The following FRY variants were observed in gnomAD, a reference collection of about 807,000 sequenced individuals.
FRY encodes the protein protein furry homolog.
A neutral mutation model predicts 348.4 loss-of-function variants in FRY; 128 were observed. The ratio of observed to expected loss-of-function variants is 0.37; its 90% CI spans 0.32 to 0.43. The LOEUF (loss-of-function observed/expected upper bound fraction) is 0.43, where lower values mean the gene tolerates loss of function less well. FRY is among the 20% of genes least tolerant of loss of function. The pLI, the probability that FRY is intolerant of heterozygous loss-of-function variation, is 1.00. For synonymous variants in FRY, 1,370 were observed against 1,374.7 expected, an observed-to-expected ratio of 1.00 and a Z score of 0.08; for missense variants, 2,736 against 3,695.2, an observed-to-expected ratio of 0.74 and a Z score of 6.73.
At chr13:32,094,527 A>T (rs1221431547) in intron 2 of FRY, among the ~76,000 whole-genome samples, 3 of 150,616 alleles carry the variant, frequency 2.0e-5, no homozygotes, top group Admixed American at 1.3e-4. Context: ...TATCCTTCCC[A>T]GCCTCTAATA....
At chr13:32,039,867 C>T (rs1872685179) in intron 1 of FRY, among the ~76,000 whole-genome samples, 2 of 152,234 alleles carry the variant, frequency 1.3e-5, no homozygotes, top group Admixed American at 1.3e-4. Flanking sequence ...GCATTCAAAT[C>T]TGCATTAAGT....
At position 32,298,506 on chromosome 13, in the gene FRY, C is replaced by T. The variant is rs993030714; in HGVS notation, c.*3046C>T. The T allele has an allele frequency of 2.0e-5, 3 of 152,158 alleles. No homozygotes were observed. Among genetic ancestry groups the T allele is most frequent in the South Asian group, 2.1e-4 (1 of 4,820 alleles). The allele number at this position is 152,158 out of a possible 1,614,324, so 9.4% of individuals were successfully genotyped here. On this transcript the variant is annotated 3_prime_UTR_variant, in exon 61 of 61. Transcript: ENST00000542859. Reference sequence around the variant, plus strand: ...GGCTAGGCACTGTTTTAGAGGACACCGCAGCTATCAAGGCAGATGTGGTCC... The same window carrying T: ...GGCTAGGCACTGTTTTAGAGGACACTGCAGCTATCAAGGCAGATGTGGTCC...
intron 14 of FRY, among the ~76,000 whole-genome samples, chr13:32,153,906 T>G (rs373288456): frequency 1.6e-3 from 250 of 152,278 alleles, no homozygotes; most frequent in African/African-American, 5.3e-3. Context: ...AGAGTTGTGA[T>G]GAACTATATG....
In FRY at chr13:32,154,386, T is replaced by C. The variant is rs574076549; in HGVS notation, c.1480-1105T>C. Among the ~76,000 whole-genome samples the C allele has an allele frequency of 7.9e-5, 12 of 152,354 alleles. No homozygotes were observed. In the East Asian group the frequency reaches 2.3e-3, roughly 29 times the overall value. On this transcript the variant is annotated intron_variant, in intron 14 of 60. Coordinates refer to ENST00000542859, the MANE Select transcript of FRY (RefSeq NM_023037.3). The stretch of plus-strand genomic sequence containing the variant: ...TATTTAGCAAATCCTGGTTGAATTA[T>C]GATAACTCCTTAAAGCTTGAATAAA...
intron 2 of FRY, among the ~76,000 whole-genome samples, chr13:32,100,092 T>TTTTTA (rs1877053338): frequency 6.7e-6 from 1 of 148,440 alleles, no homozygotes; most frequent in South Asian, 2.1e-4. Flanking sequence ...TGCTTTCAAC[T>TTTTTA]TTTTATTTTA....
intron 1 of FRY, among the ~76,000 whole-genome samples, chr13:32,055,367 T>C (rs549508641): frequency 9.9e-5 from 15 of 152,256 alleles, no homozygotes; most frequent in African/African-American, 3.6e-4. Context: ...TTTTAAACCC[T>C]CCTATGGATT....
intron 58 of FRY, among the ~76,000 whole-genome samples, chr13:32,282,607 T>C (rs563125496): frequency 6.6e-5 from 10 of 152,330 alleles, no homozygotes; most frequent in African/African-American, 2.4e-4. Flanking sequence ...TTCCTAATCA[T>C]TCTTAACAGG....
At chr13:32,284,660 A>G (rs1888963641) in intron 58 of FRY, among the ~76,000 whole-genome samples, 2 of 152,236 alleles carry the variant, frequency 1.3e-5, no homozygotes, top group Admixed American at 1.3e-4. Context: ...GCCAGGCCCA[A>G]GCATTATTAG....
At chr13:32,125,980 G>A (rs1878993322) in intron 7 of FRY, among the ~76,000 whole-genome samples, 1 of 152,084 alleles carries the variant, frequency 6.6e-6, no homozygotes. Flanking sequence ...AGTGATCTGG[G>A]CCATTTTGCA....
At chr13:32,068,496 C>T (rs1052602886) in intron 1 of FRY, among the ~76,000 whole-genome samples, 2 of 152,210 alleles carry the variant, frequency 1.3e-5, no homozygotes, top group Non-Finnish European at 2.9e-5. Context: ...ACAGTACCTA[C>T]TTTGAAAATC....
chr13:32,269,625 G>A (rs574393542), intron 55 of FRY, among the ~76,000 whole-genome samples: 1 of 151,962 alleles, frequency 6.6e-6, no homozygotes, highest in South Asian at 2.1e-4. Context: ...CTGGGAGGCA[G>A]AGGTTGCAGT....
At chr13:32,074,655 A>G (rs1874904520) in intron 1 of FRY, among the ~76,000 whole-genome samples, 1 of 152,254 alleles carries the variant, frequency 6.6e-6, no homozygotes, top group Admixed American at 6.5e-5. Context: ...CCACAATTAA[A>G]AATAAATAAA....
chr13:32,289,684 C>T lies in FRY; in HGVS notation c.8521C>T (p.Leu2841Phe). Reference sequence around the variant, plus strand: ...TAAGCTACACTTCCAGCTGCTATTGCTTTTTCAGTCCTACTGTAAGCTCAT... The same window carrying T: ...TAAGCTACACTTCCAGCTGCTATTGTTTTTTCAGTCCTACTGTAAGCTCAT... ...LYKLHFQLLL[L>F]FQSYCKLIGQ... is the part of the protein sequence containing the mutation. Residue 2841 changes from leucine to phenylalanine, a missense_variant, in exon 59 of 61, where the codon CTT becomes TTT. Around this residue, in one of 9 missense-constraint regions of FRY, gnomAD observed 2 missense variants for 16.4 expected, o/e 0.12. Transcript: ENST00000542859. The T allele has an allele frequency of 6.2e-7, 1 of 1,613,020 alleles. No homozygotes were observed. The highest frequency in any genetic ancestry group is 8.5e-7 in the Non-Finnish European group (1 of 1,178,964).
At chr13:32,203,492 G>A (rs1419489421) in intron 31 of FRY, among the ~76,000 whole-genome samples, 1 of 152,132 alleles carries the variant, frequency 6.6e-6, no homozygotes, top group African/African-American at 2.4e-5. Context: ...GGAGACCGAG[G>A]AGGGCTAATC....
At chr13:32,164,203 T>TG (rs1324014877) in intron 17 of FRY, among the ~76,000 whole-genome samples, 1 of 152,216 alleles carries the variant, frequency 6.6e-6, no homozygotes, top group Non-Finnish European at 1.5e-5. Flanking sequence ...AGTCTTCAGT[T>TG]ACTTTATACC....
At chr13:32,138,793 A>G (rs1004213705) in intron 11 of FRY, among the ~76,000 whole-genome samples, 4 of 152,166 alleles carry the variant, frequency 2.6e-5, no homozygotes, top group African/African-American at 9.7e-5. Flanking sequence ...TTCTATAAAA[A>G]CTAGATTATT....
intron 1 of FRY, among the ~76,000 whole-genome samples, chr13:32,072,526 C>T (rs970379347): frequency 6.6e-6 from 1 of 151,972 alleles, no homozygotes; most frequent in African/African-American, 2.4e-5. Context: ...CTTTTTATCC[C>T]AATTTACTTT....
At chr13:32,273,643 A>C (rs895400902) in intron 55 of FRY, among the ~76,000 whole-genome samples, 1 of 152,216 alleles carries the variant, frequency 6.6e-6, no homozygotes, top group African/African-American at 2.4e-5. Context: ...TCAGAGCAAG[A>C]GAGGTCCCAT....
At chr13:32,221,854 A>G (rs1258254503) in intron 36 of FRY, among the ~76,000 whole-genome samples, 3 of 152,144 alleles carry the variant, frequency 2.0e-5, no homozygotes, top group Admixed American at 6.5e-5. Flanking sequence ...TCATTCATTC[A>G]ACAAATATTT....
Sources: gnomAD v4.1 joint callset for allele counts (sites outside exome capture counted in the v4.1 genomes callset) on GRCh38, gnomAD v4.1.1 for gene constraint, gnomAD v4.1.1 regional missense constraint, MANE v1.5 for transcripts, NCBI Gene and HGNC (gene_info 2026-07-23, HGNC 2026-07-21) for gene names.